The following LINGO2 variants were observed in gnomAD, a reference collection of about 807,000 sequenced individuals.
LINGO2 encodes leucine rich repeat and Ig domain containing 2.
LINGO2 carries 14 observed loss-of-function variants against 30.6 expected under a neutral mutation model. The observed-to-expected ratio is 0.46, with a 90% CI of 0.30 to 0.72. The LOEUF is 0.72. Among genes scored for constraint, LINGO2 ranks in the 30% least tolerant of loss-of-function variants. LINGO2 has a pLI of 0.07. For missense variants in LINGO2, 729 were observed against 751.7 expected (o/e 0.97, Z 0.35); for synonymous variants, 317 against 288.5 (o/e 1.10, Z -1.00).
intron 4 of LINGO2, among the ~76,000 whole-genome samples, chr9:28,179,419 T>C (rs147234905): frequency 0.016 from 2,259 of 138,930 alleles, 63 homozygotes; most frequent in African/African-American, 0.055. Context: ...GTATACTATA[T>C]GTATGTATAC....
chr9:28,924,496 C>T, the LINGO2 span, among the ~76,000 whole-genome samples: 1 of 152,168 alleles, frequency 6.6e-6, no homozygotes, highest in Non-Finnish European at 1.5e-5. Context: ...GCTGGGATTA[C>T]AAGCATGAGC....
intron 4 of LINGO2, among the ~76,000 whole-genome samples, chr9:28,263,145 A>AT (rs1822625217): frequency 6.6e-6 from 1 of 151,948 alleles, no homozygotes. Flanking sequence ...ACCGAGACCC[A>AT]TTCCTGGCCA....
intron 5 of LINGO2, among the ~76,000 whole-genome samples, chr9:27,963,579 TCTGA>T (rs1421963417): frequency 7.2e-5 from 11 of 152,098 alleles, no homozygotes; most frequent in South Asian, 2.1e-4. Context: ...AATTTAGTTC[TCTGA>T]CTGGCAAATG....
chr9:28,744,720 T>A, the LINGO2 span, among the ~76,000 whole-genome samples: 7 of 150,084 alleles, frequency 4.7e-5, no homozygotes, highest in East Asian at 1.4e-3. Context: ...CACTGCAACC[T>A]CTGCCTCCTG....
chr9:29,057,140 T>C, the LINGO2 span, among the ~76,000 whole-genome samples: 11 of 152,218 alleles, frequency 7.2e-5, no homozygotes, highest in African/African-American at 2.2e-4. Context: ...ATAATGATGA[T>C]GGCATTTTGA....
At chr9:28,700,459 A>T in the LINGO2 span, among the ~76,000 whole-genome samples, 1 of 151,940 alleles carries the variant, frequency 6.6e-6, no homozygotes, top group Non-Finnish European at 1.5e-5. Context: ...TTTGTGACTT[A>T]ATAGCTCATT....
At chr9:28,342,476 T>C (rs1293769087) in intron 3 of LINGO2, among the ~76,000 whole-genome samples, 1 of 152,130 alleles carries the variant, frequency 6.6e-6, no homozygotes, top group Admixed American at 6.6e-5. Context: ...CCACCAGCAG[T>C]CAGTGGTACT....
intron 1 of LINGO2, among the ~76,000 whole-genome samples, chr9:28,558,638 AG>A (rs1334955838): frequency 6.6e-6 from 1 of 152,112 alleles, no homozygotes; most frequent in African/African-American, 2.4e-5. Flanking sequence ...TTTTGGCAAA[AG>A]TCCCTGGTGG....
At chr9:28,635,970 C>T (rs1424620431) in intron 1 of LINGO2, among the ~76,000 whole-genome samples, 2 of 152,012 alleles carry the variant, frequency 1.3e-5, no homozygotes, top group Admixed American at 1.3e-4. Flanking sequence ...GCTATCCCTC[C>T]CCACTCTCCC....
chr9:28,020,657 T>G (rs1295189930), intron 4 of LINGO2, among the ~76,000 whole-genome samples: 1 of 152,214 alleles, frequency 6.6e-6, no homozygotes, highest in Admixed American at 6.5e-5. Context: ...TATTCACCAG[T>G]GGAACCATCT....
the LINGO2 span, among the ~76,000 whole-genome samples, chr9:28,817,999 G>C: frequency 6.6e-6 from 1 of 152,206 alleles, no homozygotes; most frequent in Admixed American, 6.5e-5. Flanking sequence ...AATGGAGAAA[G>C]AGGGTTAGGT....
the LINGO2 span, among the ~76,000 whole-genome samples, chr9:29,185,262 G>A: frequency 6.6e-6 from 1 of 152,014 alleles, no homozygotes; most frequent in East Asian, 1.9e-4. Flanking sequence ...GGTCAGAAAT[G>A]GTACCCCTCA....
At chr9:28,847,911 A>G in the LINGO2 span, among the ~76,000 whole-genome samples, 4 of 125,486 alleles carry the variant, frequency 3.2e-5, no homozygotes, top group Non-Finnish European at 6.5e-5. Context: ...ATATATATAC[A>G]CACATATGTG....
chr9:29,165,988 G>T, the LINGO2 span, among the ~76,000 whole-genome samples: 1 of 152,068 alleles, frequency 6.6e-6, no homozygotes, highest in Admixed American at 6.6e-5. Context: ...CTTAGTGTAT[G>T]TGTCTGTGTG....
the LINGO2 span, among the ~76,000 whole-genome samples, chr9:29,170,103 C>T: frequency 2.6e-5 from 4 of 152,090 alleles, no homozygotes; most frequent in Admixed American, 1.3e-4. Flanking sequence ...CTACTGGGTA[C>T]CTACCCAAAG....
chr9:28,235,936 T>C (rs975709479), intron 4 of LINGO2, among the ~76,000 whole-genome samples: 1 of 152,104 alleles, frequency 6.6e-6, no homozygotes, highest in Non-Finnish European at 1.5e-5. Flanking sequence ...ATCAGAGGAC[T>C]TCCTAATCCT....
At chr9:28,459,400 G>A (rs528644447) in intron 2 of LINGO2, among the ~76,000 whole-genome samples, 44 of 152,208 alleles carry the variant, frequency 2.9e-4, no homozygotes, top group African/African-American at 9.9e-4. Context: ...CAAGTTGAGA[G>A]TCAGTAGGGA....
intron 4 of LINGO2, among the ~76,000 whole-genome samples, chr9:28,177,543 G>A (rs866432834): frequency 2.6e-5 from 4 of 152,132 alleles, no homozygotes; most frequent in Admixed American, 2.6e-4. Flanking sequence ...AATAAAAGAA[G>A]TACCTACCTC....
At chr9:28,521,305 C>T (rs1820820350) in intron 1 of LINGO2, among the ~76,000 whole-genome samples, 1 of 152,086 alleles carries the variant, frequency 6.6e-6, no homozygotes. Context: ...GCTAACTTTC[C>T]TGCTATACTA....
Sources: gnomAD v4.1 joint callset for allele counts (sites outside exome capture counted in the v4.1 genomes callset) on GRCh38, gnomAD v4.1.1 for gene constraint, MANE v1.5 for transcripts, NCBI Gene and HGNC (gene_info 2026-07-23, HGNC 2026-07-21) for gene names.